Variants in PML observed in about 807,000 individuals in gnomAD.
The protein encoded by PML is protein PML.
A neutral mutation model predicts 65.2 loss-of-function variants in PML; 28 were observed. The observed-to-expected ratio is 0.43, with a 90% confidence interval of 0.32 to 0.59. PML has a LOEUF of 0.59. Ranked by LOEUF, PML falls within the 20% of genes least tolerant of loss-of-function variation. The probability of loss-of-function intolerance (pLI) is 0.08; values close to 1 mark genes in which losing one functional copy is unlikely to be tolerated. For synonymous variants in PML, 500 were observed against 508.8 expected (o/e 0.98, Z 0.23); for missense variants, 1,021 against 1,203.4 (o/e 0.85, Z 2.24).
Position 74,037,362 on chromosome 15 carries a change from G to T in PML, c.1710+2832G>T, listed in dbSNP as rs1333733433. 4.0e-5 allele frequency: 39 copies of T among 985,228 alleles called. No individual in the cohort carries two copies. Among genetic ancestry groups the T allele is most frequent in the Non-Finnish European group, 4.3e-5 (36 of 829,908 alleles). 61.0% of individuals were successfully genotyped at this position (985,228 alleles called of 1,614,324 possible). On this transcript the variant is annotated intron_variant, in intron 7 of 8. Transcript: ENST00000268058. The surrounding 1 kb of genome is among the most constrained non-coding windows in gnomAD (Gnocchi z 4.2). ...TGGAAGGGATGTCCACCTGCCTCCA[G>T]GACTCACCCTGTGTCCTGGCCCCAG...
chr15:73,998,727 T>G (rs2069621854), intron 2 of PML, among the ~76,000 whole-genome samples: 1 of 152,236 alleles, frequency 6.6e-6, no homozygotes, highest in Non-Finnish European at 1.5e-5. Flanking sequence ...CTTTGCATCT[T>G]TATCCAGTAA....
At position 74,044,611 on chromosome 15, in the gene PML, G is replaced by A. The variant is rs545201747; in HGVS notation, c.2252G>A (p.Arg751His). Residue 751 changes from arginine to histidine, a missense_variant, in exon 9 of 9, where the codon CGT becomes CAT. Arg to His is a conservative substitution (Grantham distance 29). Transcript: ENST00000268058. ...GCCATGGCTGCCGTGCTGGCCATGC[G>A]TGACCTGTGCCGCCTCCTCGAGGTC... ...RSAMAAVLAM[R>H]DLCRLLEVSP... 1.2e-5 allele frequency: 19 copies of A among 1,607,646 alleles called. No individual in the cohort carries two copies. Among genetic ancestry groups the A allele is most frequent in the Admixed American group, 1.7e-5 (1 of 60,012 alleles).
chr15:74,034,816 C>G, intron 7 of PML: 6 of 1,437,278 alleles, frequency 4.2e-6, no homozygotes, highest in Non-Finnish European at 5.4e-6. Flanking sequence ...TTGTCTGGAG[C>G]TTCCTTATGC....
At position 74,024,874 on chromosome 15, in the gene PML, A is replaced by C; in HGVS notation, c.1201A>C (p.Lys401Gln). Residue 401 changes from lysine (K) to glutamine (Q), a missense_variant, in exon 4 of 9, where the codon AAA becomes CAA. Physicochemically the swap from Lys to Gln is moderately conservative, Grantham distance 53. Coordinates refer to ENST00000268058, the MANE Select transcript of PML (RefSeq NM_033238.3). ...TTCTACAGATGCAGCTGTATCCAAG[A>C]AAGCCAGCCCAGAGGCTGCCAGCAC... ...TQGKDAAVSK[K>Q]ASPEAASTPR... The C allele has an allele frequency of 6.2e-7, 1 of 1,613,856 alleles. No individual in the cohort carries two copies. The highest frequency in any genetic ancestry group is 8.5e-7 in the Non-Finnish European group (1 of 1,179,732).
chr15:74,001,529 C>T (rs1427914290), intron 2 of PML, among the ~76,000 whole-genome samples: 4 of 151,870 alleles, frequency 2.6e-5, no homozygotes, highest in African/African-American at 7.3e-5. Flanking sequence ...TTAGTAGAGA[C>T]GGGGTTTCCC....
intron 4 of PML, chr15:74,025,177 G>C: frequency 1.1e-5 from 6 of 533,494 alleles, no homozygotes; most frequent in Middle Eastern, 1.0e-3. Flanking sequence ...TTCAGTGGGG[G>C]TTAGATGTGG....
intron 2 of PML, among the ~76,000 whole-genome samples, chr15:74,009,251 T>G (rs1055804182): frequency 1.3e-5 from 2 of 152,162 alleles, no homozygotes; most frequent in African/African-American, 4.8e-5. Flanking sequence ...GAATTATCAT[T>G]GAATGGAGGA....
intron 2 of PML, among the ~76,000 whole-genome samples, chr15:73,998,896 C>T (rs2069631139): frequency 6.6e-6 from 1 of 152,116 alleles, no homozygotes. Flanking sequence ...GGATCAGAGA[C>T]AAGTAGTTAG....
At chr15:74,010,311 G>T (rs2070273644) in intron 2 of PML, among the ~76,000 whole-genome samples, 1 of 149,400 alleles carries the variant, frequency 6.7e-6, no homozygotes, top group African/African-American at 2.5e-5. Flanking sequence ...GGGATTACAG[G>T]CGTGAACCAC....
intron 1 of PML, among the ~76,000 whole-genome samples, chr15:73,995,804 G>T (rs2069461046): frequency 6.6e-6 from 1 of 152,286 alleles, no homozygotes. Flanking sequence ...GCCCAGGCTG[G>T]AGTGCAATGG....
intron 3 of PML, among the ~76,000 whole-genome samples, chr15:74,023,626 T>C (rs987472484): frequency 6.6e-6 from 1 of 152,146 alleles, no homozygotes; most frequent in African/African-American, 2.4e-5. Context: ...ATTTTACTAA[T>C]TTACAAGACT....
At chr15:73,997,955 G>A (rs1338717840) in intron 1 of PML, 49 bp from the exon 2 acceptor site, 3 of 1,539,658 alleles carry the variant, frequency 1.9e-6, no homozygotes, top group Non-Finnish European at 2.7e-6. Context: ...CCGGTAGGTG[G>A]GGGCTTTTGG....
intron 8 of PML, 112 bp from the exon 9 acceptor site, chr15:74,044,109 C>T (rs2071743104): frequency 9.8e-7 from 1 of 1,021,060 alleles, no homozygotes; most frequent in Non-Finnish European, 1.5e-6. Context: ...TGCCAGCAGA[C>T]CCCAAGGTGA....
chr15:74,029,185 CT>C (rs1327236297), intron 4 of PML, among the ~76,000 whole-genome samples: 9 of 151,978 alleles, frequency 5.9e-5, no homozygotes, highest in South Asian at 2.1e-4. Context: ...GTCTCTCTCT[CT>C]TTTTTTCTTA....
chr15:74,031,667 T>A (rs1158694377), intron 4 of PML, among the ~76,000 whole-genome samples: 1 of 152,196 alleles, frequency 6.6e-6, no homozygotes, highest in Non-Finnish European at 1.5e-5. Context: ...TTTCCCTTCT[T>A]TTGGGTGCAC....
At chr15:74,014,630 C>T (rs1010434892) in intron 2 of PML, among the ~76,000 whole-genome samples, 7 of 151,492 alleles carry the variant, frequency 4.6e-5, no homozygotes, top group Non-Finnish European at 5.9e-5. Flanking sequence ...GGCGTGGTGG[C>T]GGGTGCCTAT....
intron 2 of PML, among the ~76,000 whole-genome samples, chr15:74,017,767 C>G (rs1401934161): frequency 6.6e-6 from 1 of 152,218 alleles, no homozygotes; most frequent in Non-Finnish European, 1.5e-5. Context: ...TCTCTTGACT[C>G]TTGAACTAGT....
chr15:74,022,249 G>A (rs772140998), intron 2 of PML, among the ~76,000 whole-genome samples: 2 of 152,176 alleles, frequency 1.3e-5, no homozygotes, highest in Non-Finnish European at 2.9e-5. Context: ...GAGCCACCGC[G>A]CCCGGCCGAT....
rs2071734894 is a variant in PML at position 74,043,398 on chromosome 15, CT to C, written c.1861+261del. 1 of 1,425,752 alleles carries C rather than the reference CT, an allele frequency of 7.0e-7. No homozygotes were observed. The highest frequency in any genetic ancestry group is 1.5e-5 in the South Asian group (1 of 65,874). The allele number at this position is 1,425,752 out of a possible 1,614,324, so 88.3% of individuals were successfully genotyped here. On this transcript the variant is annotated intron_variant, in intron 8 of 8. Coordinates refer to ENST00000268058, the MANE Select transcript of PML (RefSeq NM_033238.3). The surrounding 1 kb of genome is among the most constrained non-coding windows in gnomAD (Gnocchi z 4.3). ...TCCACAAGTGCACCTCTGACCAGTT[CT>C]TCTCTCAGACAGAGAGCCTGGGGAA...
Sources: allele counts gnomAD v4.1 joint callset (sites outside exome capture counted in the v4.1 genomes callset), GRCh38; gene constraint gnomAD v4.1.1; non-coding constraint Gnocchi (gnomAD v3.1); transcripts MANE v1.5; gene names NCBI Gene and HGNC (gene_info 2026-07-23, HGNC 2026-07-21).